MTARC1: variants seen among roughly 807,000 people sequenced by gnomAD.
MTARC1 encodes mitochondrial amidoxime-reducing component 1.
Under a neutral mutation model 33.6 loss-of-function variants are expected in MTARC1, and 24 were observed. That is an observed-to-expected ratio of 0.72 (90% CI 0.52 to 1.01). The LOEUF (loss-of-function observed/expected upper bound fraction) is 1.01. MTARC1 is among the 50% of genes least tolerant of loss of function. The pLI is 0.00. For synonymous variants in MTARC1, 187 were observed against 189.5 expected (o/e 0.99, Z 0.11); for missense variants, 417 against 445.7 (o/e 0.94, Z 0.58).
intron 3 of MTARC1, among the ~76,000 whole-genome samples, chr1:220,797,295 A>G (rs1368983038): frequency 1.3e-5 from 2 of 152,104 alleles, no homozygotes; most frequent in African/African-American, 4.8e-5. Flanking sequence ...AAAAAAATAA[A>G]TTATGCTGTA....
intron 1 of MTARC1, among the ~76,000 whole-genome samples, chr1:220,788,613 C>T (rs1435614182): frequency 6.6e-6 from 1 of 151,912 alleles, no homozygotes. Context: ...AGGGTGAAAC[C>T]CCTTCTCTAC....
At chr1:220,809,915 G>A (rs1673076961) in intron 6 of MTARC1, among the ~76,000 whole-genome samples, 1 of 152,218 alleles carries the variant, frequency 6.6e-6, no homozygotes, top group South Asian at 2.1e-4. Flanking sequence ...CAGATACTCT[G>A]CCTGGAGTCA....
intron 6 of MTARC1, chr1:220,808,716 G>A (rs780770023): frequency 3.9e-5 from 16 of 414,504 alleles, no homozygotes; most frequent in Non-Finnish European, 5.9e-5. Flanking sequence ...GGCAGAGCCC[G>A]CGGTGGTACA....
chr1:220,801,001 A>G (rs1469366118), intron 4 of MTARC1, among the ~76,000 whole-genome samples: 1 of 151,924 alleles, frequency 6.6e-6, no homozygotes, highest in Non-Finnish European at 1.5e-5. Context: ...TGCACCATCC[A>G]TGGGCTGTTC....
At position 220,797,920 on chromosome 1, in the gene MTARC1, C is replaced by T. The variant is rs866451333; in HGVS notation, c.659C>T (p.Ser220Leu). 7.4e-6 allele frequency: 12 copies of T among 1,614,190 alleles called. No homozygotes were observed. Among genetic ancestry groups the T allele is most frequent in the Admixed American group, 6.7e-5 (4 of 60,026 alleles). Residue 220 changes from serine to leucine, a missense_variant, in exon 4 of 7, where the codon TCG becomes TTG. By Grantham distance (145) the Ser-to-Leu change is moderately radical. Transcript: ENST00000366910. ...CCATTCTTGATCCTTTCTGAGGCGT[C>T]GCTGGCGGATCTCAACTCCAGGCTA... Reference protein sequence around the residue: ...TSPFLILSEASLADLNSRLEK... With the variant: ...TSPFLILSEALLADLNSRLEK...
At position 220,797,881 on chromosome 1, in the gene MTARC1, A is replaced by G. The variant is rs1258771938; in HGVS notation, c.620A>G (p.Tyr207Cys). The change falls in exon 4 of 7, where the codon TAC becomes TGC. Residue 207 changes from tyrosine (Y) to cysteine (C), a missense_variant. Tyr to Cys is a radical substitution (Grantham distance 194). Coordinates refer to ENST00000366910, the MANE Select transcript of MTARC1 (RefSeq NM_022746.4). Reference protein sequence around the residue: ...DLFRPKDQIAYSDTSPFLILS... With the variant: ...DLFRPKDQIACSDTSPFLILS... The stretch of plus-strand genomic sequence containing the variant: ...TGTCTATTTCCTTATCAGATTGCTT[A>G]CTCAGACACCAGCCCATTCTTGATC... 6.2e-7 allele frequency: 1 copy of G among 1,614,182 alleles called. No individual in the cohort carries two copies. Among genetic ancestry groups the G allele is most frequent in the Non-Finnish European group, 8.5e-7 (1 of 1,180,012 alleles).
chr1:220,805,418 A>C, intron 6 of MTARC1, 144 bp downstream of exon 6: 1 of 838,854 alleles, frequency 1.2e-6, no homozygotes, highest in Non-Finnish European at 1.9e-6. Flanking sequence ...TAACGAGATA[A>C]TTTGGGAAAC....
In MTARC1 at chr1:220,790,193, G is replaced by A. The variant is rs149159044; in HGVS notation, c.276-1298G>A. The stretch of plus-strand genomic sequence containing the variant: ...GTTTTCAGTTCTTTGGGGTCTATAC[G>A]TAGGAGTGTGCTAGGTATTTTATGT... On this transcript the variant is annotated intron_variant, in intron 1 of 6. Transcript: ENST00000366910. Among the ~76,000 whole-genome samples, 925 of 152,262 alleles carry A rather than the reference G, an allele frequency of 6.1e-3. 3 individuals are homozygous for A. The highest frequency in any genetic ancestry group is 9.9e-3 in the Non-Finnish European group (675 of 68,026).
Position 220,796,743 on chromosome 1 carries a change from G to C in MTARC1, c.550G>C (p.Glu184Gln), listed in dbSNP as rs1176707629. The C allele has an allele frequency of 6.2e-7, 1 of 1,612,744 alleles. No homozygotes were observed. Among genetic ancestry groups the C allele is most frequent in the Non-Finnish European group, 8.5e-7 (1 of 1,179,448 alleles). Residue 184 changes from glutamate (E) to glutamine (Q), a missense_variant, in exon 3 of 7, where the codon GAG becomes CAG. Coordinates refer to ENST00000366910, the MANE Select transcript of MTARC1 (RefSeq NM_022746.4). ...KSQPYRLVHF[E>Q]PHMRPRRPHQ... The stretch of plus-strand genomic sequence containing the variant: ...ACAGCCCTACCGCCTGGTGCACTTC[G>C]AGCCTCACATGCGACCGAGACGTCC...
Position 220,813,203 on chromosome 1 carries a change from C to A in MTARC1, c.888-89C>A, listed in dbSNP as rs914172263. On this transcript the variant is annotated intron_variant, in intron 6 of 6. Coordinates refer to ENST00000366910, the MANE Select transcript of MTARC1 (RefSeq NM_022746.4). ...ATGGTGCCCTCTCGAGCTGTGCGTG[C>A]GGAGGCCCTGTGTGGGATGGAAGCC... is the stretch of plus-strand genomic sequence containing the variant. The A allele has an allele frequency of 2.7e-5, 43 of 1,567,086 alleles. No homozygotes were observed. The Admixed American group carries it at 7.2e-4, about 26-fold the overall frequency.
At chr1:220,796,903 G>A (rs1023141593) in intron 3 of MTARC1, 98 bp downstream of exon 3, 8 of 1,294,086 alleles carry the variant, frequency 6.2e-6, no homozygotes, top group Non-Finnish European at 8.4e-6. Flanking sequence ...TTGTTTTCTG[G>A]GGCAGCCCTC....
At chr1:220,791,254 A>C in intron 1 of MTARC1, 1 of 386,196 alleles carries the variant, frequency 2.6e-6, no homozygotes, top group Non-Finnish European at 4.7e-6. Context: ...AAGAGCTCAA[A>C]CTGTTCTCCA....
intron 6 of MTARC1, among the ~76,000 whole-genome samples, chr1:220,810,356 A>C (rs1673091784): frequency 6.6e-6 from 1 of 152,118 alleles, no homozygotes; most frequent in African/African-American, 2.4e-5. Context: ...CACAGCCTGG[A>C]GGCGGGCTTC....
chr1:220,816,666 G>A lies in MTARC1; in HGVS notation c.*3248G>A, dbSNP rs1289829799. 6.6e-6 allele frequency: 1 copy of A among 152,274 alleles called. No homozygotes were observed. Among genetic ancestry groups the A allele is most frequent in the East Asian group, 1.9e-4 (1 of 5,188 alleles). The allele number at this position is 152,274 out of a possible 1,614,324, so 9.4% of individuals were successfully genotyped here. A position where few individuals can be genotyped will look rare whatever the true frequency, so the allele number is the denominator to read the frequency against. On this transcript the variant is annotated 3_prime_UTR_variant, in exon 7 of 7. Transcript: ENST00000366910. The stretch of plus-strand genomic sequence containing the variant: ...TCTAGGCAGAATGCCAGTGAGCCAA[G>A]GAATCCCAGTTAGCAGGAGGGGTGC...
chr1:220,801,997 T>C (rs1672826954), intron 4 of MTARC1, among the ~76,000 whole-genome samples: 1 of 152,108 alleles, frequency 6.6e-6, no homozygotes, highest in African/African-American at 2.4e-5. Context: ...TCAGTGACCG[T>C]TTCTCAGTCA....
At chr1:220,799,223 C>T in intron 4 of MTARC1, 1 of 962,974 alleles carries the variant, frequency 1.0e-6, no homozygotes, top group South Asian at 4.8e-5. Context: ...CTCATTGCTC[C>T]AAACTTCCAA....
At chr1:220,813,087 G>T (rs937787483) in intron 6 of MTARC1, among the ~76,000 whole-genome samples, 2 of 152,192 alleles carry the variant, frequency 1.3e-5, no homozygotes, top group Admixed American at 1.3e-4. Flanking sequence ...ATGTGGGGAT[G>T]TGGCCATTGC....
At chr1:220,791,726 A>G in intron 2 of MTARC1, 62 bp downstream of exon 2, 1 of 1,568,920 alleles carries the variant, frequency 6.4e-7, no homozygotes, top group Non-Finnish European at 8.7e-7. Context: ...TTGAGAAAGC[A>G]TAAACTCTAG....
In MTARC1 at chr1:220,787,053, G is replaced by C; in HGVS notation, c.109G>C (p.Ala37Pro). 7.0e-7 allele frequency: 1 copy of C among 1,421,192 alleles called. No individual in the cohort carries two copies. Among genetic ancestry groups the C allele is most frequent in the South Asian group, 1.5e-5 (1 of 66,292 alleles). The allele number at this position is 1,421,192 out of a possible 1,614,324, so 88.0% of individuals were successfully genotyped here. ...GGGCCTGACCGCGGTGGCGCTGGGG[G>C]CTGTCGCCTGGCGCCGCGCATGGCC... Reference protein sequence around the residue: ...ALGLTAVALGAVAWRRAWPTR... With the variant: ...ALGLTAVALGPVAWRRAWPTR... Residue 37 changes from alanine to proline, a missense_variant, in exon 1 of 7, where the codon GCT (alanine) becomes CCT (proline). Coordinates refer to ENST00000366910, the MANE Select transcript of MTARC1 (RefSeq NM_022746.4).
Sources: allele counts gnomAD v4.1 joint callset (sites outside exome capture counted in the v4.1 genomes callset), GRCh38; gene constraint gnomAD v4.1.1; transcripts MANE v1.5; gene names NCBI Gene and HGNC (gene_info 2026-07-23, HGNC 2026-07-21).